The following HS3ST4 variants were observed in gnomAD, a reference collection of about 807,000 sequenced individuals.
HS3ST4 encodes the protein heparan sulfate glucosamine 3-O-sulfotransferase 4.
Under a neutral mutation model 29.2 loss-of-function variants are expected in HS3ST4, and 17 were observed. The ratio of observed to expected loss-of-function variants is 0.58; its 90% CI spans 0.40 to 0.87. The LOEUF is 0.87. Ranked by LOEUF, HS3ST4 falls within the 40% of genes least tolerant of loss-of-function variation. The probability of loss-of-function intolerance (pLI) is 0.00; values close to 1 mark genes in which losing one functional copy is unlikely to be tolerated. For missense variants in HS3ST4, 627 were observed against 634.5 expected (o/e 0.99, Z 0.13); for synonymous variants, 314 against 285.7 (o/e 1.10, Z -1.00).
chr16:25,719,192 G>T (rs1160198862), intron 1 of HS3ST4, among the ~76,000 whole-genome samples: 1 of 152,160 alleles, frequency 6.6e-6, no homozygotes, highest in Admixed American at 6.6e-5. Context: ...GACAGAAATG[G>T]GTCAGCATTT....
intron 1 of HS3ST4, among the ~76,000 whole-genome samples, chr16:25,712,417 A>C (rs1966421834): frequency 6.6e-6 from 1 of 152,146 alleles, no homozygotes; most frequent in East Asian, 1.9e-4. Context: ...GTTACTCGGG[A>C]GGCTGAGGTG....
chr16:25,828,246 T>TTCTG (rs1967245269), intron 1 of HS3ST4, among the ~76,000 whole-genome samples: 1 of 55,918 alleles, frequency 1.8e-5, no homozygotes, highest in Non-Finnish European at 3.4e-5. Context: ...TTCTTTCTCT[T>TTCTG]TCTTTCTTTC....
At chr16:25,940,272 G>GTTTAACAGTA (rs1555473516) in intron 1 of HS3ST4, among the ~76,000 whole-genome samples, 5 of 151,012 alleles carry the variant, frequency 3.3e-5, no homozygotes, top group African/African-American at 1.2e-4. Flanking sequence ...TGATGATTAA[G>GTTTAACAGTA]CTATTCTGGG....
chr16:25,855,368 G>A (rs34678404), intron 1 of HS3ST4, among the ~76,000 whole-genome samples: 78,188 of 151,978 alleles, frequency 0.51, 20,288 homozygotes, highest in South Asian at 0.63. Context: ...CCTAGATTTA[G>A]GAAAGGCCTG....
intron 1 of HS3ST4, among the ~76,000 whole-genome samples, chr16:26,079,183 G>A (rs982734936): frequency 1.3e-5 from 2 of 152,224 alleles, no homozygotes; most frequent in Non-Finnish European, 2.9e-5. Context: ...GCAGGCGCCT[G>A]GGATGCCCGA....
intron 1 of HS3ST4, among the ~76,000 whole-genome samples, chr16:25,832,912 G>C (rs114999193): frequency 0.02 from 2,980 of 152,302 alleles, 97 homozygotes; most frequent in African/African-American, 0.067. Flanking sequence ...AATGGCTTCT[G>C]AATGTGAATG....
At chr16:25,783,023 A>G (rs1273533803) in intron 1 of HS3ST4, among the ~76,000 whole-genome samples, 1 of 152,010 alleles carries the variant, frequency 6.6e-6, no homozygotes, top group Non-Finnish European at 1.5e-5. Flanking sequence ...AGTCTAATCC[A>G]CCCTCATTTT....
intron 1 of HS3ST4, among the ~76,000 whole-genome samples, chr16:26,083,478 C>T (rs934857188): frequency 3.9e-5 from 6 of 152,126 alleles, no homozygotes; most frequent in Non-Finnish European, 5.9e-5. Context: ...CAAGAGTCAA[C>T]AATTTTTTTT....
At chr16:25,983,681 GCC>G (rs1969032313) in intron 1 of HS3ST4, among the ~76,000 whole-genome samples, 2 of 152,170 alleles carry the variant, frequency 1.3e-5, no homozygotes, top group African/African-American at 4.8e-5. Context: ...TAGATTCTAA[GCC>G]ATACATAGTC....
chr16:26,094,784 T>G (rs776207978), intron 1 of HS3ST4, among the ~76,000 whole-genome samples: 6 of 152,180 alleles, frequency 3.9e-5, no homozygotes, highest in Non-Finnish European at 8.8e-5. Context: ...TAAATGTAAA[T>G]GGGCTAAATG....
chr16:25,696,912 T>C (rs534060924), intron 1 of HS3ST4, among the ~76,000 whole-genome samples: 1 of 152,350 alleles, frequency 6.6e-6, no homozygotes, highest in African/African-American at 2.4e-5. Context: ...TTTGATGATA[T>C]GCTGAGATAT....
intron 1 of HS3ST4, among the ~76,000 whole-genome samples, chr16:25,726,016 A>G (rs1340016285): frequency 1.3e-5 from 2 of 152,324 alleles, no homozygotes; most frequent in East Asian, 3.9e-4. Context: ...AAAGTTTCAC[A>G]AAACCATGCT....
chr16:25,744,691 G>A (rs756656932), intron 1 of HS3ST4, among the ~76,000 whole-genome samples: 3 of 152,122 alleles, frequency 2.0e-5, no homozygotes, highest in Non-Finnish European at 4.4e-5. Context: ...ATGTGTTGTG[G>A]GAGGGACCTG....
At chr16:25,786,164 C>A (rs1406247962) in intron 1 of HS3ST4, among the ~76,000 whole-genome samples, 1 of 152,028 alleles carries the variant, frequency 6.6e-6, no homozygotes, top group Non-Finnish European at 1.5e-5. Context: ...ATGACTAGGT[C>A]TGGGGGGAAA....
chr16:25,902,888 A>T (rs1185518742), intron 1 of HS3ST4, among the ~76,000 whole-genome samples: 2 of 152,042 alleles, frequency 1.3e-5, no homozygotes, highest in African/African-American at 2.4e-5. Flanking sequence ...GCTCGAGCCC[A>T]GGAGTTCAAG....
At chr16:26,058,511 C>T (rs760633530) in intron 1 of HS3ST4, among the ~76,000 whole-genome samples, 29 of 152,214 alleles carry the variant, frequency 1.9e-4, no homozygotes, top group Admixed American at 6.5e-4. Context: ...AGGAGGTGAA[C>T]GGCTCTGTGG....
intron 1 of HS3ST4, among the ~76,000 whole-genome samples, chr16:26,031,236 C>T (rs950970469): frequency 2.6e-5 from 4 of 152,092 alleles, no homozygotes; most frequent in Non-Finnish European, 4.4e-5. Flanking sequence ...GGAGCTGAAG[C>T]GGAAACCCAG....
intron 1 of HS3ST4, among the ~76,000 whole-genome samples, chr16:25,857,729 A>T (rs1967587726): frequency 6.6e-6 from 1 of 152,104 alleles, no homozygotes; most frequent in Admixed American, 6.6e-5. Context: ...TACTTTTTAC[A>T]CTTATGAATA....
chr16:25,815,400 T>G (rs983145632), intron 1 of HS3ST4, among the ~76,000 whole-genome samples: 1 of 152,204 alleles, frequency 6.6e-6, no homozygotes, highest in African/African-American at 2.4e-5. Context: ...CTCGGCTCAC[T>G]GCAACCTCCG....
Sources: gnomAD v4.1 joint callset for allele counts (sites outside exome capture counted in the v4.1 genomes callset) on GRCh38, gnomAD v4.1.1 for gene constraint, MANE v1.5 for transcripts, NCBI Gene and HGNC (gene_info 2026-07-23, HGNC 2026-07-21) for gene names.